Variants in SPATA13 observed in about 807,000 individuals in gnomAD.
The protein encoded by SPATA13 is spermatogenesis associated 13.
A neutral mutation model predicts 104.0 loss-of-function variants in SPATA13; 50 were observed. That is an observed-to-expected ratio of 0.48 (90% CI 0.38 to 0.61). The LOEUF (loss-of-function observed/expected upper bound fraction) is 0.61, where lower values mean the gene tolerates loss of function less well. Ranked by LOEUF, SPATA13 falls within the 20% of genes least tolerant of loss-of-function variation. The probability of loss-of-function intolerance (pLI) is 0.00; values close to 1 mark genes in which losing one functional copy is unlikely to be tolerated. For missense variants in SPATA13, 1,524 were observed against 1,690.6 expected, an observed-to-expected ratio of 0.90 and a Z score of 1.73; for synonymous variants, 606 against 667.5, an observed-to-expected ratio of 0.91 and a Z score of 1.42.
At chr13:24,282,905 C>T (rs1875652393) in intron 4 of SPATA13, among the ~76,000 whole-genome samples, 1 of 152,224 alleles carries the variant, frequency 6.6e-6, no homozygotes, top group South Asian at 2.1e-4. Flanking sequence ...GACTCTGTGA[C>T]CCTAAAACCT....
At chr13:24,091,856 C>T (rs1192022877) in intron 3 of SPATA13, among the ~76,000 whole-genome samples, 1 of 152,108 alleles carries the variant, frequency 6.6e-6, no homozygotes, top group Non-Finnish European at 1.5e-5. Flanking sequence ...GGGCAGTTTT[C>T]TGGGGATGGC....
At chr13:24,201,759 C>T (rs897167949) in intron 1 of SPATA13, among the ~76,000 whole-genome samples, 5 of 152,154 alleles carry the variant, frequency 3.3e-5, no homozygotes, top group Non-Finnish European at 7.3e-5. Flanking sequence ...TCTTGATGTA[C>T]ATTCTATGGT....
At position 24,295,130 on chromosome 13, in the gene SPATA13, G is replaced by A. The variant is rs539035651; in HGVS notation, c.3210+262G>A. 2.0e-5 allele frequency among the ~76,000 whole-genome samples: 3 copies of A among 152,166 alleles called. No individual in the cohort carries two copies. The East Asian group carries it at 5.8e-4, about 29-fold the overall frequency. On this transcript the variant is annotated intron_variant, in intron 10 of 12. Coordinates refer to ENST00000382108, the MANE Select transcript of SPATA13 (RefSeq NM_001166271.3). ...CTGAGCCTCTCTCTCTCCTCGTAGA[G>A]GGAGTACCGTGGGAACAGTAGAGGG... is the stretch of plus-strand genomic sequence containing the variant.
upstream of SPATA13, among the ~76,000 whole-genome samples, chr13:24,157,697 G>A (rs779921785): frequency 6.6e-6 from 1 of 152,148 alleles, no homozygotes; most frequent in Non-Finnish European, 1.5e-5. Context: ...GGAGAAAGGA[G>A]TTTCCTTTCT....
chr13:24,133,507 T>C (rs1357402820), intron 3 of SPATA13, among the ~76,000 whole-genome samples: 2 of 151,960 alleles, frequency 1.3e-5, no homozygotes, highest in Admixed American at 6.6e-5. Context: ...CCTGCTGAGC[T>C]CGGGCAGGTG....
chr13:24,002,957 GT>G (rs1489167254), intron 2 of SPATA13, among the ~76,000 whole-genome samples: 1 of 151,226 alleles, frequency 6.6e-6, no homozygotes, highest in African/African-American at 2.5e-5. Context: ...TTTTCTGAAT[GT>G]GGGGGGTGAA....
chr13:24,212,368 C>T (rs1471690744), intron 1 of SPATA13, among the ~76,000 whole-genome samples: 2 of 151,772 alleles, frequency 1.3e-5, no homozygotes, highest in Non-Finnish European at 2.9e-5. Flanking sequence ...ATCAGTGTTC[C>T]TTTCTAAGCT....
At position 24,223,996 on chromosome 13, in the gene SPATA13, G is replaced by C. The variant is rs968819745; in HGVS notation, c.1067G>C (p.Arg356Pro). The C allele has an allele frequency of 2.6e-6, 4 of 1,548,712 alleles. No individual in the cohort carries two copies. Among genetic ancestry groups the C allele is most frequent in the South Asian group, 1.2e-5 (1 of 83,920 alleles). ...AGCCTGAGACTTCAGGCACACAGCC[G>C]GCTGCATGACGACTACTCCCGCCGC... is the stretch of plus-strand genomic sequence containing the variant. Reference protein sequence around the residue: ...EASLRLQAHSRLHDDYSRRVS... With the variant: ...EASLRLQAHSPLHDDYSRRVS... Residue 356 changes from arginine (R) to proline (P), a missense_variant, in exon 2 of 13, where the codon CGG becomes CCG. By Grantham distance (103) the Arg-to-Pro change is moderately radical. Transcript: ENST00000382108.
intron 2 of SPATA13, among the ~76,000 whole-genome samples, chr13:24,008,449 T>C (rs1222131284): frequency 6.6e-6 from 1 of 152,172 alleles, no homozygotes; most frequent in African/African-American, 2.4e-5. Context: ...GCCTTCGTCA[T>C]GGGCCACCAT....
Position 24,080,692 on chromosome 13 carries a change from A to G in SPATA13, c.-112+62991A>G, listed in dbSNP as rs1879483708. Among the ~76,000 whole-genome samples the G allele has an allele frequency of 2.0e-5, 3 of 152,200 alleles. No individual in the cohort carries two copies. The South Asian group carries it at 6.2e-4, about 32-fold the overall frequency. On this transcript the variant is annotated intron_variant, in intron 3 of 14. Transcript: ENST00000424834. ...CACAGAGTATCAGTGACACTGTATG[A>G]CATATTGTACACCTCAGCCTGTAGG...
chr13:24,055,096 C>T (rs1878493281), intron 3 of SPATA13, among the ~76,000 whole-genome samples: 1 of 152,238 alleles, frequency 6.6e-6, no homozygotes, highest in South Asian at 2.1e-4. Context: ...CAGCCTCCAG[C>T]AGCCTGAAGG....
chr13:24,084,158 G>A (rs114331059), intron 3 of SPATA13, among the ~76,000 whole-genome samples: 211 of 152,298 alleles, frequency 1.4e-3, no homozygotes, highest in African/African-American at 4.9e-3. Context: ...ATTATCTTCC[G>A]TAACTTAGCA....
chr13:24,038,858 A>C (rs1877813863), intron 3 of SPATA13, among the ~76,000 whole-genome samples: 1 of 152,164 alleles, frequency 6.6e-6, no homozygotes, highest in Non-Finnish European at 1.5e-5. Context: ...GACTCTTAGG[A>C]CTTTGCATTC....
At chr13:23,979,908 G>C (rs1467635217) in exon 1 of SPATA13, 1 of 152,290 alleles carries the variant, frequency 6.6e-6, no homozygotes, top group Non-Finnish European at 1.5e-5. Context: ...GAGGACGTAG[G>C]AGGGATGCTG....
intron 3 of SPATA13, among the ~76,000 whole-genome samples, chr13:24,139,796 G>C (rs563775192): frequency 6.6e-6 from 1 of 152,248 alleles, no homozygotes; most frequent in African/African-American, 2.4e-5. Flanking sequence ...GGCCGGGCGC[G>C]GTGGCTCACG....
intron 1 of SPATA13, among the ~76,000 whole-genome samples, chr13:24,210,278 T>C (rs1399009877): frequency 2.0e-5 from 3 of 152,212 alleles, no homozygotes; most frequent in Non-Finnish European, 4.4e-5. Context: ...TTTAGCTTGA[T>C]ACAGTCTCGT....
chr13:24,249,389 C>A, intron 2 of SPATA13, 88 bp from the exon 3 acceptor site: 1 of 1,418,058 alleles, frequency 7.1e-7, no homozygotes, highest in Non-Finnish European at 9.3e-7. Flanking sequence ...CGAGGCACGG[C>A]TGTGGTGGTG....
chr13:24,003,876 C>T (rs9553140), intron 2 of SPATA13, among the ~76,000 whole-genome samples: 23,925 of 152,106 alleles, frequency 0.16, 2,542 homozygotes, highest in East Asian at 0.51. Flanking sequence ...TATACATCAG[C>T]AAATACAGAA....
intron 4 of SPATA13, chr13:24,270,849 A>G (rs1566182578): frequency 1.2e-6 from 2 of 1,612,720 alleles, no homozygotes; most frequent in Non-Finnish European, 1.7e-6. Context: ...CCGTTTTCCA[A>G]ACAGAAGGAT....
Sources: allele counts gnomAD v4.1 joint callset (sites outside exome capture counted in the v4.1 genomes callset), GRCh38; gene constraint gnomAD v4.1.1; transcripts MANE v1.5; gene names NCBI Gene and HGNC (gene_info 2026-07-23, HGNC 2026-07-21).